The following SLC35F3 variants were observed in gnomAD, a reference collection of about 807,000 sequenced individuals.
The protein encoded by SLC35F3 is solute carrier family 35 member F3.
A neutral mutation model predicts 49.9 loss-of-function variants in SLC35F3; 25 were observed. The ratio of observed to expected loss-of-function variants is 0.50; its 90% CI spans 0.37 to 0.70. The LOEUF is 0.70. Among genes scored for constraint, SLC35F3 ranks in the 30% least tolerant of loss-of-function variants. The pLI is 0.00. For missense variants in SLC35F3, 525 were observed against 639.8 expected, an observed-to-expected ratio of 0.82 and a Z score of 1.94; for synonymous variants, 275 against 265.4, an observed-to-expected ratio of 1.04 and a Z score of -0.35.
At chr1:233,934,940 T>G (rs971817707) in intron 2 of SLC35F3, among the ~76,000 whole-genome samples, 11 of 151,734 alleles carry the variant, frequency 7.2e-5, no homozygotes, top group African/African-American at 2.7e-4. Context: ...AAATGGGATC[T>G]TATCATGCTT....
chr1:234,323,496 T>C lies in SLC35F3; in HGVS notation c.*253T>C, dbSNP rs1657682310. On this transcript the variant is annotated 3_prime_UTR_variant, in exon 8 of 8. Coordinates refer to ENST00000366618, the MANE Select transcript of SLC35F3 (RefSeq NM_173508.4). The surrounding 1 kb of genome is among the most constrained non-coding windows in gnomAD (Gnocchi z 4.5). ...ACGAATGTAAAGTGGGTTTAAAAGT[T>C]CCCTGCGTAGATCGTTTTGGATGGC... The C allele has an allele frequency of 2.0e-6, 1 of 511,330 alleles. No homozygotes were observed. Among genetic ancestry groups the C allele is most frequent in the Non-Finnish European group, 3.5e-6 (1 of 286,018 alleles). 31.7% of individuals were successfully genotyped at this position (511,330 alleles called of 1,614,324 possible).
intron 2 of SLC35F3, among the ~76,000 whole-genome samples, chr1:233,942,933 T>G (rs1418078376): frequency 1.3e-5 from 2 of 152,238 alleles, no homozygotes; most frequent in African/African-American, 4.8e-5. Flanking sequence ...AGACTCCTCT[T>G]ATAAGTGGAA....
rs534677494 is a variant in SLC35F3 at position 234,185,001 on chromosome 1, C to G, written c.284-46416C>G. Among the ~76,000 whole-genome samples, 61 of 152,278 alleles carry G rather than the reference C, an allele frequency of 4.0e-4. No homozygotes were observed. The South Asian group carries it at 9.3e-3, about 23-fold the overall frequency. On this transcript the variant is annotated intron_variant, in intron 2 of 7. Coordinates refer to ENST00000366618, the MANE Select transcript of SLC35F3 (RefSeq NM_173508.4). ...TCTGAGAAGCATTCTATGGAGAACACCAAGGTGGGCACAGTCCCTGCGAAA... is the reference window on the plus strand; with the variant it reads ...TCTGAGAAGCATTCTATGGAGAACAGCAAGGTGGGCACAGTCCCTGCGAAA...
intron 2 of SLC35F3, among the ~76,000 whole-genome samples, chr1:233,963,101 T>C (rs961708350): frequency 6.6e-6 from 1 of 152,178 alleles, no homozygotes; most frequent in African/African-American, 2.4e-5. Context: ...CCTCGGTAGC[T>C]ATCTTTTCTT....
At chr1:234,014,843 AAAGGTATTCTGCATTCATGGAT>A (rs1663778314) in intron 2 of SLC35F3, among the ~76,000 whole-genome samples, 1 of 152,244 alleles carries the variant, frequency 6.6e-6, no homozygotes, top group Non-Finnish European at 1.5e-5. Context: ...AAGTAAATGG[AAAGGTATTCTGCATTCATGGAT>A]AAGAAGAATT....
intron 3 of SLC35F3, among the ~76,000 whole-genome samples, chr1:234,234,906 C>T (rs978941073): frequency 1.1e-4 from 17 of 152,260 alleles, no homozygotes; most frequent in Admixed American, 8.5e-4. Flanking sequence ...TGTGTAAACG[C>T]GAGGAACAAG....
intron 3 of SLC35F3, among the ~76,000 whole-genome samples, chr1:234,260,700 C>T (rs1022547847): frequency 9.9e-5 from 15 of 152,276 alleles, no homozygotes; most frequent in Admixed American, 2.6e-4. Flanking sequence ...AGGGGGATAA[C>T]AAACGATCTT....
chr1:234,111,689 T>C (rs993396696), intron 2 of SLC35F3, among the ~76,000 whole-genome samples: 16 of 152,092 alleles, frequency 1.1e-4, no homozygotes, highest in Non-Finnish European at 1.8e-4. Context: ...CAGCCAGCAG[T>C]GACGATCCAG....
At chr1:234,295,899 T>A (rs1278891278) in intron 3 of SLC35F3, among the ~76,000 whole-genome samples, 3 of 152,186 alleles carry the variant, frequency 2.0e-5, no homozygotes, top group Non-Finnish European at 2.9e-5. Context: ...CAACTTCTTT[T>A]AAAGGAGCCA....
intron 2 of SLC35F3, among the ~76,000 whole-genome samples, chr1:233,997,166 G>A (rs564650837): frequency 7.9e-5 from 12 of 152,104 alleles, no homozygotes; most frequent in Admixed American, 5.2e-4. Context: ...TTGAACACTC[G>A]CGTTGCTTCC....
chr1:233,906,132 A>G (rs560043295), intron 2 of SLC35F3, among the ~76,000 whole-genome samples: 13 of 152,364 alleles, frequency 8.5e-5, no homozygotes, highest in Non-Finnish European at 1.8e-4. Context: ...GCCCTCGGTC[A>G]GGTCTCACCA....
chr1:234,322,669 G>A (rs12065871), intron 7 of SLC35F3, among the ~76,000 whole-genome samples: 10 of 152,000 alleles, frequency 6.6e-5, no homozygotes, highest in Middle Eastern at 6.8e-3. Context: ...GTGTGTGTGT[G>A]TGTGTGTGTG....
chr1:234,005,532 T>C (rs1663616160), intron 2 of SLC35F3, among the ~76,000 whole-genome samples: 1 of 152,138 alleles, frequency 6.6e-6, no homozygotes, highest in South Asian at 2.1e-4. Flanking sequence ...TGACGACAAA[T>C]AGATAACGTT....
At chr1:234,005,518 C>T (rs75527110) in intron 2 of SLC35F3, among the ~76,000 whole-genome samples, 10,106 of 152,198 alleles carry the variant, frequency 0.066, 582 homozygotes, top group East Asian at 0.26. Context: ...GCTGCTGCTG[C>T]TGCTGACGAC....
intron 3 of SLC35F3, among the ~76,000 whole-genome samples, chr1:234,242,954 CTT>C (rs748452330): frequency 3.3e-5 from 5 of 152,136 alleles, no homozygotes; most frequent in Non-Finnish European, 7.4e-5. Flanking sequence ...CAAAGAAAGA[CTT>C]TAAGTGTTTC....
chr1:234,284,494 T>C (rs139273092), intron 3 of SLC35F3, among the ~76,000 whole-genome samples: 1 of 152,332 alleles, frequency 6.6e-6, no homozygotes, highest in East Asian at 1.9e-4. Context: ...TGGTTTCAGA[T>C]AGGATTCATG....
At chr1:234,095,028 G>A (rs1164836135) in intron 2 of SLC35F3, among the ~76,000 whole-genome samples, 1 of 152,192 alleles carries the variant, frequency 6.6e-6, no homozygotes, top group Non-Finnish European at 1.5e-5. Context: ...CGCTGGCAGG[G>A]GGGTTTATCT....
At chr1:234,105,489 T>C (rs1192716546) in intron 2 of SLC35F3, among the ~76,000 whole-genome samples, 1 of 152,202 alleles carries the variant, frequency 6.6e-6, no homozygotes, top group East Asian at 1.9e-4. Context: ...GCAGATATCC[T>C]ATTCCTATCC....
At chr1:234,089,724 G>A (rs543203066) in intron 2 of SLC35F3, among the ~76,000 whole-genome samples, 3 of 152,134 alleles carry the variant, frequency 2.0e-5, no homozygotes, top group Non-Finnish European at 4.4e-5. Context: ...CACTGGGTAG[G>A]AGGAGAGGCA....
Sources: allele counts gnomAD v4.1 joint callset (sites outside exome capture counted in the v4.1 genomes callset), GRCh38; gene constraint gnomAD v4.1.1; non-coding constraint Gnocchi (gnomAD v3.1); transcripts MANE v1.5; gene names NCBI Gene and HGNC (gene_info 2026-07-23, HGNC 2026-07-21).